NKIRAS1: variants seen among roughly 807,000 people sequenced by gnomAD.
The protein encoded by NKIRAS1 is NFKB inhibitor interacting Ras like 1.
In NKIRAS1, 16 loss-of-function variants were observed where a neutral mutation model predicts 19.8. The ratio of observed to expected loss-of-function variants is 0.81; its 90% CI spans 0.55 to 1.23. The LOEUF (loss-of-function observed/expected upper bound fraction) is 1.23, where lower values mean the gene tolerates loss of function less well. Ranked by LOEUF, NKIRAS1 falls within the 50% of genes most tolerant of loss-of-function variation. The pLI is 0.00. For synonymous variants in NKIRAS1, 88 were observed against 79.0 expected, an observed-to-expected ratio of 1.11 and a Z score of -0.61; for missense variants, 184 against 220.0, an observed-to-expected ratio of 0.84 and a Z score of 1.04.
intron 3 of NKIRAS1, among the ~76,000 whole-genome samples, chr3:23,904,300 T>C (rs1474567443): frequency 1.3e-5 from 2 of 152,192 alleles, no homozygotes; most frequent in African/African-American, 2.4e-5. Context: ...TTCTGGAGGC[T>C]GGGAAGTCCA....
intron 4 of NKIRAS1, among the ~76,000 whole-genome samples, chr3:23,893,667 C>T (rs1163752649): frequency 1.3e-5 from 2 of 151,816 alleles, no homozygotes; most frequent in African/African-American, 4.8e-5. Context: ...ATTAGCCAGG[C>T]GTAGTGGTGT....
upstream of NKIRAS1, chr3:23,919,392 G>A (rs769387719): frequency 5.0e-6 from 8 of 1,602,968 alleles, no homozygotes; most frequent in East Asian, 2.2e-5. Context: ...TCTGCAGGCC[G>A]AAAGAGCCGT....
chr3:23,930,843 T>C (rs1705302228), intron 1 of NKIRAS1, among the ~76,000 whole-genome samples: 2 of 151,194 alleles, frequency 1.3e-5, no homozygotes, highest in South Asian at 4.2e-4. Flanking sequence ...GCTGGGACTA[T>C]AGGTGCATGC....
At chr3:23,944,428 C>A (rs977549806) in intron 1 of NKIRAS1, among the ~76,000 whole-genome samples, 5 of 152,208 alleles carry the variant, frequency 3.3e-5, no homozygotes, top group Non-Finnish European at 5.9e-5. Flanking sequence ...ATGCCTCTAT[C>A]AGCCCATCTT....
intron 1 of NKIRAS1, among the ~76,000 whole-genome samples, chr3:23,936,475 A>C (rs1027923830): frequency 9.9e-5 from 15 of 152,196 alleles, no homozygotes; most frequent in African/African-American, 3.6e-4. Context: ...GCTTGTTAAA[A>C]TACCAATTAC....
intron 4 of NKIRAS1, 45 bp from the exon 5 acceptor site, chr3:23,893,382 C>G: frequency 6.5e-7 from 1 of 1,546,698 alleles, no homozygotes. Context: ...ACTTTGCCAA[C>G]ATCAGTTCCT....
intron 1 of NKIRAS1, among the ~76,000 whole-genome samples, chr3:23,932,322 G>A (rs894357019): frequency 1.3e-5 from 2 of 152,028 alleles, no homozygotes; most frequent in Non-Finnish European, 2.9e-5. Flanking sequence ...GATATACAGA[G>A]GTCCCTTACT....
chr3:23,945,569 C>A, intron 1 of NKIRAS1: 1 of 1,166,028 alleles, frequency 8.6e-7, no homozygotes, highest in Non-Finnish European at 1.1e-6. Flanking sequence ...GCCGCCTCCG[C>A]GAGGGCACCA....
intron 3 of NKIRAS1, among the ~76,000 whole-genome samples, chr3:23,903,616 A>C (rs1320000286): frequency 6.6e-6 from 1 of 152,182 alleles, no homozygotes; most frequent in African/African-American, 2.4e-5. Flanking sequence ...ACTAACAAAA[A>C]CTCAATAGAA....
At chr3:23,899,625 CA>C (rs1702305866) in intron 4 of NKIRAS1, among the ~76,000 whole-genome samples, 1 of 152,082 alleles carries the variant, frequency 6.6e-6, no homozygotes, top group Admixed American at 6.5e-5. Flanking sequence ...AATAGGAAAA[CA>C]AAACTATCAT....
At chr3:23,894,001 C>A (rs1342354991) in intron 4 of NKIRAS1, among the ~76,000 whole-genome samples, 1 of 152,086 alleles carries the variant, frequency 6.6e-6, no homozygotes, top group Non-Finnish European at 1.5e-5. Context: ...AACAAGACAG[C>A]TGGAGCTGTG....
intron 1 of NKIRAS1, among the ~76,000 whole-genome samples, chr3:23,931,745 G>A (rs562654734): frequency 1.3e-5 from 2 of 151,548 alleles, no homozygotes; most frequent in Non-Finnish European, 2.9e-5. Flanking sequence ...AGAAAGAAAG[G>A]TAGAGAAGAA....
intron 1 of NKIRAS1, chr3:23,924,321 A>T (rs1039090775): frequency 2.0e-5 from 3 of 152,222 alleles, no homozygotes; most frequent in Non-Finnish European, 4.4e-5. Context: ...TCTATCAGAG[A>T]ATCCCCCCTC....
chr3:23,917,240 G>C (rs958163924), upstream of NKIRAS1: 2 of 152,552 alleles, frequency 1.3e-5, no homozygotes, highest in Non-Finnish European at 2.9e-5. Flanking sequence ...AGCCATCCAG[G>C]TCCGGGGACC....
chr3:23,895,667 C>A (rs549132703), intron 4 of NKIRAS1, among the ~76,000 whole-genome samples: 1 of 152,176 alleles, frequency 6.6e-6, no homozygotes, highest in Non-Finnish European at 1.5e-5. Context: ...CCAGATCATA[C>A]CACTGATCTC....
chr3:23,904,874 C>T (rs756237361), intron 3 of NKIRAS1, among the ~76,000 whole-genome samples: 74 of 152,156 alleles, frequency 4.9e-4, no homozygotes, highest in Admixed American at 8.5e-4. Context: ...CCAATAGCTC[C>T]AAACTGGAAA....
rs770265768 is a variant in NKIRAS1, at chr3:23,927,646, A to C, written c.-139-16196T>G. ...GCAGTCCTAGTTAGTTAGAGACATT[A>C]ACTGATGGATGATGTAATTATCAGT... On this transcript the variant is annotated intron_variant, in intron 1 of 4. Coordinates refer to the NKIRAS1 transcript ENST00000421515. This position sits in a 1 kb window ranked among gnomAD's most constrained non-coding sequence, Gnocchi z 4.0. Among the ~76,000 whole-genome samples, 2 of 152,254 alleles carry C rather than the reference A, an allele frequency of 1.3e-5. No individual in the cohort carries two copies. Among genetic ancestry groups the C allele is most frequent in the African/African-American group, 2.4e-5 (1 of 41,472 alleles).
intron 1 of NKIRAS1, chr3:23,923,828 G>A (rs1238974227): frequency 2.0e-5 from 3 of 152,164 alleles, no homozygotes; most frequent in African/African-American, 7.2e-5. Flanking sequence ...CCTCTTTAAT[G>A]TATGTAATCA....
At chr3:23,895,875 C>T (rs986412595) in intron 4 of NKIRAS1, among the ~76,000 whole-genome samples, 8 of 152,082 alleles carry the variant, frequency 5.3e-5, no homozygotes, top group African/African-American at 1.9e-4. Context: ...GTGACTCACA[C>T]CTGTAATCCC....
Sources: allele counts gnomAD v4.1 joint callset (sites outside exome capture counted in the v4.1 genomes callset), GRCh38; gene constraint gnomAD v4.1.1; non-coding constraint Gnocchi (gnomAD v3.1); transcripts MANE v1.5; gene names NCBI Gene and HGNC (gene_info 2026-07-23, HGNC 2026-07-21).